SLC24A2: variants seen among roughly 807,000 people sequenced by gnomAD.
The protein encoded by SLC24A2 is sodium/potassium/calcium exchanger 2.
SLC24A2 carries 36 observed loss-of-function variants against 62.0 expected under a neutral mutation model. That is an observed-to-expected ratio of 0.58 (90% CI 0.44 to 0.77). The LOEUF is 0.77. Ranked by LOEUF, SLC24A2 falls within the 30% of genes least tolerant of loss-of-function variation. The pLI, the probability that SLC24A2 is intolerant of heterozygous loss-of-function variation, is 0.00. For missense variants in SLC24A2, 846 were observed against 817.9 expected (o/e 1.03, Z -0.42); for synonymous variants, 358 against 294.0 (o/e 1.22, Z -2.23).
the SLC24A2 span, among the ~76,000 whole-genome samples, chr9:20,077,911 A>G: frequency 6.6e-6 from 1 of 152,180 alleles, no homozygotes; most frequent in Non-Finnish European, 1.5e-5. Context: ...TGACAGGAAA[A>G]TATATCATAG....
At chr9:19,561,912 C>G (rs754042106) in intron 7 of SLC24A2, among the ~76,000 whole-genome samples, 26 of 152,156 alleles carry the variant, frequency 1.7e-4, no homozygotes, top group Non-Finnish European at 2.6e-4. Flanking sequence ...ACAACTTAAT[C>G]TTCTTGGACA....
chr9:19,619,701 A>G lies in SLC24A2; in HGVS notation c.970-9T>C. On this transcript the variant is annotated splice_polypyrimidine_tract_variant and intron_variant, in intron 3 of 10. Coordinates refer to ENST00000341998, the MANE Select transcript of SLC24A2 (RefSeq NM_020344.4). Reference sequence around the variant, plus strand: ...TGGAGACGCGGCTTAGCCTGAGCAGAGAAACCAAAGAGATGGTTAGTCTCA... The same window carrying G: ...TGGAGACGCGGCTTAGCCTGAGCAGGGAAACCAAAGAGATGGTTAGTCTCA... The G allele has an allele frequency of 2.5e-6, 4 of 1,597,990 alleles. No homozygotes were observed. The highest frequency in any genetic ancestry group is 3.4e-6 in the Non-Finnish European group (4 of 1,165,334).
chr9:20,225,767 C>G, the SLC24A2 span, among the ~76,000 whole-genome samples: 2 of 150,434 alleles, frequency 1.3e-5, no homozygotes, highest in African/African-American at 4.9e-5. Context: ...CATGGGAGAA[C>G]TGTTAGATGT....
chr9:19,811,870 C>G, the SLC24A2 span, among the ~76,000 whole-genome samples: 9 of 151,764 alleles, frequency 5.9e-5, no homozygotes, highest in African/African-American at 2.2e-4. Context: ...CATTGCTTTT[C>G]TTTACTGCCT....
chr9:19,950,956 C>T, the SLC24A2 span, among the ~76,000 whole-genome samples: 3 of 152,132 alleles, frequency 2.0e-5, no homozygotes, highest in African/African-American at 7.2e-5. Context: ...AATCTGTATT[C>T]CAAAGCAAGT....
chr9:19,755,434 C>G (rs1822111638), intron 2 of SLC24A2, among the ~76,000 whole-genome samples: 1 of 152,072 alleles, frequency 6.6e-6, no homozygotes, highest in Non-Finnish European at 1.5e-5. Flanking sequence ...TGGGAGCAAC[C>G]TTGAAGAACT....
chr9:20,187,839 A>C, the SLC24A2 span, among the ~76,000 whole-genome samples: 1 of 152,176 alleles, frequency 6.6e-6, no homozygotes, highest in Non-Finnish European at 1.5e-5. Context: ...AAAGTGTTAG[A>C]AATGCAGAAT....
chr9:20,266,461 G>A, the SLC24A2 span, among the ~76,000 whole-genome samples: 1 of 152,006 alleles, frequency 6.6e-6, no homozygotes, highest in Non-Finnish European at 1.5e-5. Context: ...CCAGATAACT[G>A]CTCTTCTCAT....
chr9:20,058,492 T>TACACACACACACACACAC, the SLC24A2 span, among the ~76,000 whole-genome samples: 701 of 147,872 alleles, frequency 4.7e-3, 6 homozygotes, highest in African/African-American at 0.016. Context: ...ATGCCCTTCA[T>TACACACACACACACACAC]ACACACACAC....
chr9:19,532,603 G>C (rs1484066991), intron 8 of SLC24A2, among the ~76,000 whole-genome samples: 1 of 152,172 alleles, frequency 6.6e-6, no homozygotes, highest in Non-Finnish European at 1.5e-5. Context: ...GTTTTTAAGA[G>C]ATAAAGAAAC....
At chr9:19,836,255 T>C in the SLC24A2 span, among the ~76,000 whole-genome samples, 2 of 151,984 alleles carry the variant, frequency 1.3e-5, no homozygotes, top group African/African-American at 2.4e-5. Context: ...ATAAGAGATA[T>C]AAAAAACCCT....
chr9:19,982,490 T>C, the SLC24A2 span, among the ~76,000 whole-genome samples: 1 of 152,172 alleles, frequency 6.6e-6, no homozygotes, highest in African/African-American at 2.4e-5. Flanking sequence ...ATTGATATTT[T>C]GGAAAAGCAC....
intron 5 of SLC24A2, 129 bp downstream of exon 5, chr9:19,597,100 G>C: frequency 1.4e-6 from 1 of 701,824 alleles, no homozygotes. Flanking sequence ...CAAAAATGCA[G>C]AAAGAATAGT....
At chr9:19,938,534 T>A in the SLC24A2 span, among the ~76,000 whole-genome samples, 1 of 152,190 alleles carries the variant, frequency 6.6e-6, no homozygotes, top group African/African-American at 2.4e-5. Context: ...CTATGGACTC[T>A]GGAATAGTCT....
the SLC24A2 span, among the ~76,000 whole-genome samples, chr9:20,045,475 G>A: frequency 1.2e-3 from 189 of 152,028 alleles, 2 homozygotes; most frequent in African/African-American, 4.2e-3. Flanking sequence ...ACTGTCGCCC[G>A]GGCTGGAGTG....
At chr9:19,628,892 G>C (rs955182455) in intron 2 of SLC24A2, among the ~76,000 whole-genome samples, 15 of 152,212 alleles carry the variant, frequency 9.9e-5, no homozygotes, top group African/African-American at 3.1e-4. Flanking sequence ...ATTCAAAGCT[G>C]TCCTGGGCTG....
At chr9:19,688,097 C>T (rs1433207144) in intron 2 of SLC24A2, among the ~76,000 whole-genome samples, 4 of 152,102 alleles carry the variant, frequency 2.6e-5, no homozygotes, top group Non-Finnish European at 5.9e-5. Context: ...AAATAACCTG[C>T]AAATCAATTT....
chr9:19,812,523 T>A, the SLC24A2 span, among the ~76,000 whole-genome samples: 1 of 152,190 alleles, frequency 6.6e-6, no homozygotes, highest in African/African-American at 2.4e-5. Flanking sequence ...TGATTCTTTT[T>A]ATGAATTCTA....
chr9:20,244,730 G>A, the SLC24A2 span, among the ~76,000 whole-genome samples: 1 of 152,204 alleles, frequency 6.6e-6, no homozygotes, highest in African/African-American at 2.4e-5. Flanking sequence ...TGATGGGGAA[G>A]CATCCTGTAA....
Sources: gnomAD v4.1 joint callset for allele counts (sites outside exome capture counted in the v4.1 genomes callset) on GRCh38, gnomAD v4.1.1 for gene constraint, MANE v1.5 for transcripts, NCBI Gene and HGNC (gene_info 2026-07-23, HGNC 2026-07-21) for gene names.